PDE4D: variants seen among roughly 807,000 people sequenced by gnomAD.
PDE4D encodes the protein 3',5'-cyclic-AMP phosphodiesterase 4D.
A neutral mutation model predicts 87.4 loss-of-function variants in PDE4D; 24 were observed. The observed-to-expected ratio is 0.27, with a 90% CI of 0.20 to 0.39. PDE4D has a LOEUF of 0.39. Among genes scored for constraint, PDE4D ranks in the 10% least tolerant of loss-of-function variants. PDE4D has a pLI of 1.00. For missense variants in PDE4D, 714 were observed against 1,041.0 expected (o/e 0.69, Z 4.32); for synonymous variants, 384 against 383.2 (o/e 1.00, Z -0.02).
At chr5:60,455,366 G>A (rs1444875650) in intron 1 of PDE4D, among the ~76,000 whole-genome samples, 1 of 151,994 alleles carries the variant, frequency 6.6e-6, no homozygotes, top group Non-Finnish European at 1.5e-5. Context: ...GGATATAGTA[G>A]GCAATAATAT....
At chr5:59,634,719 T>C (rs1832014579) in intron 1 of PDE4D, among the ~76,000 whole-genome samples, 1 of 152,186 alleles carries the variant, frequency 6.6e-6, no homozygotes, top group Non-Finnish European at 1.5e-5. Flanking sequence ...CCAGAATCTC[T>C]GGGACACAGC....
chr5:59,571,630 T>C (rs996749460), intron 1 of PDE4D, among the ~76,000 whole-genome samples: 3 of 152,210 alleles, frequency 2.0e-5, no homozygotes, highest in Non-Finnish European at 2.9e-5. Context: ...GGTCAAATAC[T>C]TGACTATTCT....
At chr5:59,105,780 A>C (rs1490532341) in intron 5 of PDE4D, among the ~76,000 whole-genome samples, 2 of 152,206 alleles carry the variant, frequency 1.3e-5, no homozygotes, top group African/African-American at 2.4e-5. Flanking sequence ...CTGATTTCTA[A>C]CAAGCACCGA....
At chr5:59,469,924 CAAA>C (rs1353630881) in intron 1 of PDE4D, among the ~76,000 whole-genome samples, 7 of 152,034 alleles carry the variant, frequency 4.6e-5, no homozygotes, top group Non-Finnish European at 8.8e-5. Flanking sequence ...CCAAGAAGCA[CAAA>C]AAGGCATTGT....
Position 58,990,986 on chromosome 5 carries a change from A to G in PDE4D, c.1189-84T>C, listed in dbSNP as rs1747784720. On this transcript the variant is annotated intron_variant, in intron 8 of 14. Transcript: ENST00000340635. ...CAATGAACACAATCATTTAAAAATT[A>G]CAGACCTTAGGTGGCCGGGCATAGA... The G allele has an allele frequency of 1.2e-5, 10 of 828,256 alleles. 1 individual carries two copies. The South Asian group carries it at 1.6e-4, about 13-fold the overall frequency. The allele number at this position is 828,256 out of a possible 1,614,324, so 51.3% of individuals were successfully genotyped here. A position where few individuals can be genotyped will look rare whatever the true frequency, so the allele number is the denominator to read the frequency against.
chr5:59,129,885 AG>A (rs1776030547), intron 5 of PDE4D, among the ~76,000 whole-genome samples: 1 of 152,200 alleles, frequency 6.6e-6, no homozygotes, highest in African/African-American at 2.4e-5. Context: ...CCTACCTTGC[AG>A]GGTTATTGAA....
At chr5:60,380,571 T>G (rs1051658099) in intron 1 of PDE4D, among the ~76,000 whole-genome samples, 3 of 152,246 alleles carry the variant, frequency 2.0e-5, no homozygotes, top group South Asian at 2.1e-4. Context: ...GGAGCAGAGC[T>G]GCAGTCAACT....
At chr5:60,021,727 A>C (rs551263206) in intron 2 of PDE4D, 2 of 152,344 alleles carry the variant, frequency 1.3e-5, no homozygotes, top group Admixed American at 6.5e-5. Context: ...ATTGGTATTG[A>C]TACTTCTGTA....
At chr5:60,394,733 C>G (rs919915989) in intron 1 of PDE4D, among the ~76,000 whole-genome samples, 6 of 152,164 alleles carry the variant, frequency 3.9e-5, no homozygotes, top group Non-Finnish European at 8.8e-5. Context: ...CTTTCAGTTA[C>G]CAGATACTAA....
At chr5:59,572,906 C>T (rs1822124632) in intron 1 of PDE4D, among the ~76,000 whole-genome samples, 1 of 152,202 alleles carries the variant, frequency 6.6e-6, no homozygotes, top group African/African-American at 2.4e-5. Flanking sequence ...ATATATCAAA[C>T]ACACTAAGTT....
intron 1 of PDE4D, among the ~76,000 whole-genome samples, chr5:60,350,997 TACA>T (rs548231796): frequency 7.2e-5 from 11 of 152,256 alleles, no homozygotes; most frequent in Admixed American, 5.2e-4. Flanking sequence ...GATTAAAAAC[TACA>T]ACAAGCAGAT....
chr5:59,754,076 T>C (rs1760867842), intron 1 of PDE4D, among the ~76,000 whole-genome samples: 1 of 152,322 alleles, frequency 6.6e-6, no homozygotes, highest in African/African-American at 2.4e-5. Flanking sequence ...ATGCCTGTAA[T>C]CCCAGTACTT....
At chr5:59,745,063 A>G (rs1759410275) in intron 1 of PDE4D, among the ~76,000 whole-genome samples, 1 of 152,328 alleles carries the variant, frequency 6.6e-6, no homozygotes, top group South Asian at 2.1e-4. Flanking sequence ...ACAGGTAAAA[A>G]GCAATGGTGT....
intron 2 of PDE4D, among the ~76,000 whole-genome samples, chr5:60,113,926 A>C (rs1777910828): frequency 6.6e-6 from 1 of 152,056 alleles, no homozygotes; most frequent in South Asian, 2.1e-4. Flanking sequence ...ACATAGTTCA[A>C]CTCCAAAGAT....
intron 2 of PDE4D, among the ~76,000 whole-genome samples, chr5:60,043,086 T>G (rs1409836166): frequency 6.6e-6 from 1 of 151,128 alleles, no homozygotes; most frequent in Non-Finnish European, 1.5e-5. Context: ...AATAATCAGT[T>G]TAGAGAAGAA....
chr5:59,788,722 T>C lies in PDE4D; in HGVS notation c.455+104446A>G, dbSNP rs1037056386. On this transcript the variant is annotated intron_variant, in intron 1 of 14. Coordinates refer to ENST00000340635, the MANE Select transcript of PDE4D (RefSeq NM_001104631.2). ...CCCAGAAATAATGAAATAGATTGTG[T>C]AGAAGAATTGCTTCAGCAAATGTGG... 4.6e-5 allele frequency among the ~76,000 whole-genome samples: 7 copies of C among 152,208 alleles called. No individual in the cohort carries two copies. The East Asian group carries it at 7.7e-4, about 17-fold the overall frequency.
chr5:59,287,789 TAAGAG>T (rs1195195267), intron 1 of PDE4D, among the ~76,000 whole-genome samples: 2 of 151,410 alleles, frequency 1.3e-5, no homozygotes, highest in African/African-American at 4.9e-5. Context: ...TGGGAGAAAG[TAAGAG>T]AAGAGAAAAA....
At chr5:59,803,782 C>T (rs1767427565) in intron 1 of PDE4D, among the ~76,000 whole-genome samples, 1 of 152,172 alleles carries the variant, frequency 6.6e-6, no homozygotes, top group Non-Finnish European at 1.5e-5. Context: ...CATGCTTCAA[C>T]ACAGACAAGG....
chr5:60,189,179 A>T (rs1785018443), intron 1 of PDE4D, among the ~76,000 whole-genome samples: 1 of 152,244 alleles, frequency 6.6e-6, no homozygotes, highest in Non-Finnish European at 1.5e-5. Flanking sequence ...TCCTGCAGGG[A>T]GAACACTTTA....
Sources: gnomAD v4.1 joint callset for allele counts (sites outside exome capture counted in the v4.1 genomes callset) on GRCh38, gnomAD v4.1.1 for gene constraint, MANE v1.5 for transcripts, NCBI Gene and HGNC (gene_info 2026-07-23, HGNC 2026-07-21) for gene names.